MCOLN1: variants seen among roughly 807,000 people sequenced by gnomAD.
MCOLN1 encodes the protein mucolipin TRP cation channel 1.
MCOLN1 carries 50 observed loss-of-function variants against 70.3 expected under a neutral mutation model. The observed-to-expected ratio is 0.71, with a 90% confidence interval of 0.57 to 0.90. MCOLN1 has a LOEUF of 0.90. Among genes scored for constraint, MCOLN1 ranks in the 40% least tolerant of loss-of-function variants. The pLI, the probability that MCOLN1 is intolerant of heterozygous loss-of-function variation, is 0.00. For synonymous variants in MCOLN1, 366 were observed against 341.0 expected, an observed-to-expected ratio of 1.07 and a Z score of -0.81; for missense variants, 598 against 803.5, an observed-to-expected ratio of 0.74 and a Z score of 3.09.
chr19:7,528,874 G>A lies in MCOLN1; in HGVS notation c.1038G>A (p.Glu346=), dbSNP rs535704197. The A allele has an allele frequency of 6.3e-5, 102 of 1,614,208 alleles. No homozygotes were observed. In the East Asian group the frequency reaches 1.0e-3, roughly 17 times the overall value. ...RQRGRVISLW[E]RLEFVNGWYI... ...GGGGACGGGTCATCAGCCTGTGGGA[G>A]CGGCTGGAATTTGTCAATGGCTGGT... The change falls in exon 9 of 14, where the codon GAG becomes GAA. Residue 346 remains glutamate (E), a synonymous_variant. Transcript: ENST00000264079. The surrounding 1 kb of genome is among the most constrained non-coding windows in gnomAD (Gnocchi z 4.2).
intron 10 of MCOLN1, 146 bp from the exon 11 acceptor site, chr19:7,529,444 C>A: frequency 9.1e-7 from 1 of 1,098,036 alleles, no homozygotes; most frequent in Non-Finnish European, 1.3e-6. Flanking sequence ...GACGTGGCCA[C>A]GCCCCCTCTA....
At chr19:7,530,112 G>A (rs2022634078) in intron 11 of MCOLN1, among the ~76,000 whole-genome samples, 174 bp from the exon 12 acceptor site, 1 of 151,608 alleles carries the variant, frequency 6.6e-6, no homozygotes, top group Non-Finnish European at 1.5e-5. Context: ...CCATTCACAG[G>A]GGCCCTAGCC....
At position 7,527,533 on chromosome 19, in the gene MCOLN1, G is replaced by A. The variant is rs753009764; in HGVS notation, c.585G>A (p.Val195=). The change falls in exon 5 of 14, where the codon GTG becomes GTA. Residue 195 remains valine (V), a synonymous_variant. Coordinates refer to ENST00000264079, the MANE Select transcript of MCOLN1 (RefSeq NM_020533.3). ...CCCTGTCCTTAGACTGCATCCAGGT[G>A]GATCCCCCCGAGCGGCCCCCTCCGC... ...DPMVVTDCIQ[V]DPPERPPPPP... 23 of 1,541,216 alleles carry A rather than the reference G, an allele frequency of 1.5e-5. No individual in the cohort carries two copies. Among genetic ancestry groups the A allele is most frequent in the Non-Finnish European group, 2.0e-5 (22 of 1,113,270 alleles).
intron 4 of MCOLN1, 38 bp from the exon 5 acceptor site, chr19:7,527,482 C>T (rs778567622): frequency 6.9e-6 from 6 of 873,442 alleles, no homozygotes; most frequent in Non-Finnish European, 9.9e-6. Context: ...CTGGCCTCCC[C>T]GGCCCCCTGA....
In MCOLN1 at chr19:7,528,114, T is replaced by C. The variant is rs766251820; in HGVS notation, c.778-44T>C. ...CCACCTGTCATGTGGACCTTGGGGC[T>C]TGGGGCTGCCAAGGTTTACTCTGCC... On this transcript the variant is annotated intron_variant, in intron 6 of 13. Transcript: ENST00000264079. The surrounding 1 kb of genome is among the most constrained non-coding windows in gnomAD (Gnocchi z 4.2). 1.2e-6 allele frequency: 2 copies of C among 1,600,120 alleles called. No individual in the cohort carries two copies. The highest frequency in any genetic ancestry group is 1.7e-6 in the Non-Finnish European group (2 of 1,167,400).
Position 7,524,847 on chromosome 19 carries a change from C to G in MCOLN1, c.32-114C>G. 2.3e-6 allele frequency: 2 copies of G among 864,344 alleles called. No homozygotes were observed. Among genetic ancestry groups the G allele is most frequent in the Admixed American group, 2.0e-5 (1 of 48,860 alleles). 53.5% of individuals were successfully genotyped at this position (864,344 alleles called of 1,614,324 possible). A position where few individuals can be genotyped will look rare whatever the true frequency, so the allele number is the denominator to read the frequency against. ...TTCTTTAGACCTCTCAGAGCTCTTC[C>G]TTGGCAGGAGCATGGGGACATGAAG... On this transcript the variant is annotated intron_variant, in intron 1 of 13. Coordinates refer to ENST00000264079, the MANE Select transcript of MCOLN1 (RefSeq NM_020533.3). The surrounding 1 kb of genome is among the most constrained non-coding windows in gnomAD (Gnocchi z 4.1).
At chr19:7,529,505 C>CCCCCCCCCCCCCCCCCCCGGGG in intron 10 of MCOLN1, 85 bp from the exon 11 acceptor site, 1 of 755,744 alleles carries the variant, frequency 1.3e-6, no homozygotes. Context: ...GGCAAGGCCC[C>CCCCCCCCCCCCCCCCCCCGGGG]GCCCCTCCCA....
At position 7,527,762 on chromosome 19, in the gene MCOLN1, C is replaced by CCCCTGCCAGCTGCAGAGTCAGCACGT. The variant is rs527720991; in HGVS notation, c.681-101_681-76dup. On this transcript the variant is annotated intron_variant, in intron 5 of 13. Coordinates refer to ENST00000264079, the MANE Select transcript of MCOLN1 (RefSeq NM_020533.3). ...GCTGGTGCCTGCTGGGTGAGCACTTCCCCTGCCAGCTGCAGAGTCAGCACG... is the reference window on the plus strand; with the variant it reads ...GCTGGTGCCTGCTGGGTGAGCACTTCCCCTGCCAGCTGCAGAGTCAGCACGTCCCTGCCAGCTGCAGAGTCAGCACG... 9.6e-4 allele frequency: 1,113 copies of CCCCTGCCAGCTGCAGAGTCAGCACGT among 1,153,486 alleles called. 3 individuals carry two copies. The highest frequency in any genetic ancestry group is 4.5e-3 in the Admixed American group (262 of 58,860). The allele number at this position is 1,153,486 out of a possible 1,614,324, so 71.5% of individuals were successfully genotyped here.
chr19:7,524,909 GA>G lies in MCOLN1; in HGVS notation c.32-48del. The G allele has an allele frequency of 1.4e-6, 2 of 1,477,370 alleles. No homozygotes were observed. The highest frequency in any genetic ancestry group is 1.4e-5 in the African/African-American group (1 of 72,090). The allele number at this position is 1,477,370 out of a possible 1,614,324, so 91.5% of individuals were successfully genotyped here. On this transcript the variant is annotated intron_variant, in intron 1 of 13. Coordinates refer to ENST00000264079, the MANE Select transcript of MCOLN1 (RefSeq NM_020533.3). The surrounding 1 kb of genome is among the most constrained non-coding windows in gnomAD (Gnocchi z 4.1). ...GCTGCCTTCCTGGTTGGAGAAAGGG[GA>G]AAAGGGGAGTTGCCCAGGCCTCACC...
intron 12 of MCOLN1, among the ~76,000 whole-genome samples, chr19:7,531,698 C>T (rs1226376384): frequency 1.3e-5 from 2 of 151,752 alleles, no homozygotes; most frequent in African/African-American, 4.8e-5. Flanking sequence ...GACGGAGTCT[C>T]GCTGTGTCAC....
At chr19:7,529,481 C>A (rs2022622445) in intron 10 of MCOLN1, 109 bp from the exon 11 acceptor site, 3 of 1,396,888 alleles carry the variant, frequency 2.1e-6, no homozygotes, top group South Asian at 1.2e-5. Flanking sequence ...CATGACCACA[C>A]CGGCTGTGCC....
rs2146030248 is a variant in MCOLN1, at chr19:7,533,634, C to T, written c.1687C>T (p.Leu563Phe). The T allele has an allele frequency of 1.9e-6, 3 of 1,612,860 alleles. No individual in the cohort carries two copies. Among genetic ancestry groups the T allele is most frequent in the Non-Finnish European group, 2.5e-6 (3 of 1,179,788 alleles). Residue 563 changes from leucine to phenylalanine, a missense_variant, in exon 13 of 14, where the codon CTT becomes TTT. Physicochemically the swap from Leu to Phe is conservative, Grantham distance 22 (BLOSUM62 0). Coordinates refer to ENST00000264079, the MANE Select transcript of MCOLN1 (RefSeq NM_020533.3). ...CCGCGGGAGCGGCTCGGCCTGCAGCCTTCTCTGCTGCTGCGGAAGGTTCGA... is the reference window on the plus strand; with the variant it reads ...CCGCGGGAGCGGCTCGGCCTGCAGCTTTCTCTGCTGCTGCGGAAGGTTCGA... ...FRRGSGSACS[L>F]LCCCGRDPSE...
At chr19:7,533,374 C>G (rs1364033572) in intron 12 of MCOLN1, 149 bp from the exon 13 acceptor site, 1 of 1,034,088 alleles carries the variant, frequency 9.7e-7, no homozygotes, top group East Asian at 2.5e-5. Flanking sequence ...TGCAAGCAAA[C>G]TGTGGAACAA....
Position 7,526,372 on chromosome 19 carries a change from G to A in MCOLN1, c.238-67G>A. The A allele has an allele frequency of 1.3e-6, 2 of 1,584,182 alleles. No homozygotes were observed. The highest frequency in any genetic ancestry group is 1.7e-6 in the Non-Finnish European group (2 of 1,152,860). The stretch of plus-strand genomic sequence containing the variant: ...CCCTCCCTGTCCTCTTCCAGGGCCT[G>A]TGCCCTGAGGGAGATACACCCCAAC... On this transcript the variant is annotated intron_variant, in intron 2 of 13. Transcript: ENST00000264079. This position sits in a 1 kb window ranked among gnomAD's most constrained non-coding sequence, Gnocchi z 4.6.
At chr19:7,529,508 C>CCCACCCA in intron 10 of MCOLN1, 82 bp from the exon 11 acceptor site, 1 of 777,990 alleles carries the variant, frequency 1.3e-6, no homozygotes, top group Non-Finnish European at 2.2e-6. Context: ...AAGGCCCCGC[C>CCCACCCA]CCTCCCACCC....
intron 1 of MCOLN1, among the ~76,000 whole-genome samples, chr19:7,523,609 G>T (rs1434597674): frequency 6.6e-6 from 1 of 152,204 alleles, no homozygotes; most frequent in African/African-American, 2.4e-5. Context: ...GCCCTAGAAA[G>T]CAGCACGGGG....
rs769475080 is a variant in MCOLN1, at chr19:7,529,629, A to C, written c.1276A>C (p.Met426Leu). The C allele has an allele frequency of 1.5e-5, 24 of 1,613,720 alleles. No individual in the cohort carries two copies. The highest frequency in any genetic ancestry group is 2.0e-5 in the Non-Finnish European group (24 of 1,179,824). Reference sequence around the variant, plus strand: ...ACTGCGGGTGGCCCTGCCCAGCGTCATGCGCTTCTGCTGCTGCGTGGCTGT... The same window carrying C: ...ACTGCGGGTGGCCCTGCCCAGCGTCCTGCGCTTCTGCTGCTGCGTGGCTGT... ...ATLRVALPSV[M>L]RFCCCVAVIY... The change falls in exon 11 of 14, where the codon ATG (methionine) becomes CTG (leucine). Residue 426 changes from methionine to leucine, a missense_variant. Physicochemically the swap from Met to Leu is conservative, Grantham distance 15. Coordinates refer to ENST00000264079, the MANE Select transcript of MCOLN1 (RefSeq NM_020533.3).
intron 11 of MCOLN1, 125 bp downstream of exon 11, chr19:7,529,837 C>A: frequency 1.7e-6 from 2 of 1,154,912 alleles, no homozygotes; most frequent in Non-Finnish European, 2.6e-6. Flanking sequence ...CCTTGGTGAC[C>A]CTGACACTGA....
At position 7,529,581 on chromosome 19, in the gene MCOLN1, C is replaced by T. The variant is rs1312126462; in HGVS notation, c.1237-9C>T. 2 of 1,613,102 alleles carry T rather than the reference C, an allele frequency of 1.2e-6. No individual in the cohort carries two copies. The highest frequency in any genetic ancestry group is 1.7e-6 in the Non-Finnish European group (2 of 1,179,848). On this transcript the variant is annotated splice_polypyrimidine_tract_variant and intron_variant, in intron 10 of 13. Coordinates refer to ENST00000264079, the MANE Select transcript of MCOLN1 (RefSeq NM_020533.3). ...CACCCTCAACGAGGCTCCCTCTGCC[C>T]CAACCCAGATCCTCATCGCCACACT... is the stretch of plus-strand genomic sequence containing the variant.
Sources: allele counts gnomAD v4.1 joint callset (sites outside exome capture counted in the v4.1 genomes callset), GRCh38; gene constraint gnomAD v4.1.1; non-coding constraint Gnocchi (gnomAD v3.1); transcripts MANE v1.5; gene names NCBI Gene and HGNC (gene_info 2026-07-23, HGNC 2026-07-21).